The following MGAT5 variants were observed in gnomAD, a reference collection of about 807,000 sequenced individuals.
MGAT5 encodes the protein alpha-1,6-mannosylglycoprotein 6-beta-N-acetylglucosaminyltransferase A.
A neutral mutation model predicts 94.3 loss-of-function variants in MGAT5; 30 were observed. The ratio of observed to expected loss-of-function variants is 0.32; its 90% CI spans 0.24 to 0.43. The LOEUF is 0.43. MGAT5 is among the 20% of genes least tolerant of loss of function. MGAT5 has a pLI of 1.00. For missense variants in MGAT5, 691 were observed against 905.5 expected (o/e 0.76, Z 3.04); for synonymous variants, 310 against 322.9 (o/e 0.96, Z 0.43).
At chr2:134,346,627 A>G (rs930165996) in intron 8 of MGAT5, among the ~76,000 whole-genome samples, 1 of 152,182 alleles carries the variant, frequency 6.6e-6, no homozygotes. Context: ...ATTCCATTAA[A>G]TGTATTGCTG....
At chr2:134,448,535 G>C in intron 15 of MGAT5, 114 bp from the exon 16 acceptor site, 1 of 951,088 alleles carries the variant, frequency 1.1e-6, no homozygotes, top group Non-Finnish European at 1.7e-6. Flanking sequence ...TCTAAAGTAG[G>C]ACAAGACAAC....
At chr2:134,445,014 T>C (rs1209523199) in intron 15 of MGAT5, among the ~76,000 whole-genome samples, 2 of 152,202 alleles carry the variant, frequency 1.3e-5, no homozygotes, top group Non-Finnish European at 2.9e-5. Context: ...CTCAGTTCCA[T>C]ACACAGGAAC....
chr2:134,418,520 A>G (rs1684100599), intron 12 of MGAT5, among the ~76,000 whole-genome samples: 1 of 152,188 alleles, frequency 6.6e-6, no homozygotes, highest in Non-Finnish European at 1.5e-5. Flanking sequence ...GGGTGGTACT[A>G]GTTGCTGCAC....
At chr2:134,364,633 G>T (rs554725519) in intron 10 of MGAT5, among the ~76,000 whole-genome samples, 1 of 152,326 alleles carries the variant, frequency 6.6e-6, no homozygotes, top group East Asian at 1.9e-4. Flanking sequence ...GTGCTGTGCA[G>T]CACCTAAAGA....
intron 2 of MGAT5, among the ~76,000 whole-genome samples, chr2:134,283,626 T>C (rs1336939600): frequency 6.7e-6 from 1 of 149,642 alleles, no homozygotes; most frequent in Non-Finnish European, 1.5e-5. Context: ...TTTAAAGCCA[T>C]TGTTGAGGAA....
intron 4 of MGAT5, among the ~76,000 whole-genome samples, chr2:134,327,024 A>G (rs549788805): frequency 5.1e-4 from 78 of 152,252 alleles, no homozygotes; most frequent in Middle Eastern, 3.4e-3. Context: ...CTCACGTACA[A>G]TGATGTCTGG....
intron 14 of MGAT5, among the ~76,000 whole-genome samples, chr2:134,438,590 C>T (rs1026765962): frequency 6.6e-6 from 1 of 152,190 alleles, no homozygotes; most frequent in Non-Finnish European, 1.5e-5. Flanking sequence ...CACTGTGCCC[C>T]CATTCAGGGT....
At chr2:134,170,301 G>C (rs919415592) in intron 1 of MGAT5, among the ~76,000 whole-genome samples, 1 of 152,238 alleles carries the variant, frequency 6.6e-6, no homozygotes, top group African/African-American at 2.4e-5. Context: ...TCACCTCAAG[G>C]CTGTCTCAGA....
chr2:134,434,334 T>A (rs916973334), intron 14 of MGAT5, among the ~76,000 whole-genome samples: 1 of 152,214 alleles, frequency 6.6e-6, no homozygotes. Flanking sequence ...CATAAATTGG[T>A]TGGTTATTAG....
chr2:134,361,170 G>A (rs1362226837), intron 9 of MGAT5, among the ~76,000 whole-genome samples: 1 of 152,250 alleles, frequency 6.6e-6, no homozygotes, highest in African/African-American at 2.4e-5. Flanking sequence ...AGCACAACCA[G>A]AACAAGATGA....
intron 15 of MGAT5, among the ~76,000 whole-genome samples, chr2:134,443,470 G>A (rs1685600719): frequency 6.6e-6 from 1 of 152,204 alleles, no homozygotes; most frequent in African/African-American, 2.4e-5. Flanking sequence ...GGTATTACAG[G>A]CGTGAGCCAT....
intron 1 of MGAT5, among the ~76,000 whole-genome samples, chr2:134,123,241 T>C (rs955881516): frequency 3.9e-5 from 6 of 152,182 alleles, no homozygotes; most frequent in Non-Finnish European, 8.8e-5. Context: ...CCTTTGGAAG[T>C]ATGAGTTCCC....
intron 2 of MGAT5, among the ~76,000 whole-genome samples, chr2:134,297,196 C>A (rs1485138883): frequency 5.5e-3 from 548 of 100,358 alleles, no homozygotes; most frequent in Middle Eastern, 0.021. Flanking sequence ...GACCTGGTCT[C>A]AAAAAAAAAA....
Position 134,358,818 on chromosome 2 carries a change from C to T in MGAT5, c.1247-3457C>T, listed in dbSNP as rs117751893. On this transcript the variant is annotated intron_variant, in intron 9 of 15. Coordinates refer to ENST00000281923, the MANE Select transcript of MGAT5 (RefSeq NM_002410.5). ...CATTTATTAAGTAGCTGGTAAGCTC[C>T]TTGAGGGCAGAAACTCATCTTTATA... 1.6e-3 allele frequency among the ~76,000 whole-genome samples: 246 copies of T among 152,274 alleles called. 5 individuals are homozygous for T. In the East Asian group the frequency reaches 0.046, roughly 28 times the overall value.
chr2:134,391,012 T>C (rs1388300375), intron 10 of MGAT5, among the ~76,000 whole-genome samples: 1 of 152,212 alleles, frequency 6.6e-6, no homozygotes, highest in East Asian at 1.9e-4. Context: ...CATGTGTCAA[T>C]TGAGCAACTT....
intron 1 of MGAT5, among the ~76,000 whole-genome samples, chr2:134,267,232 A>G (rs62165759): frequency 0.16 from 23,606 of 152,246 alleles, 2,263 homozygotes; most frequent in Middle Eastern, 0.32. Context: ...ATGGTGGGTA[A>G]GAGCCATCAG....
intron 9 of MGAT5, among the ~76,000 whole-genome samples, chr2:134,361,494 T>C (rs941830471): frequency 1.3e-5 from 2 of 152,232 alleles, no homozygotes; most frequent in African/African-American, 4.8e-5. Context: ...TTTAAAATTA[T>C]AGGCACAAGA....
chr2:134,237,148 T>TGTGCGTGC (rs374914892), intron 1 of MGAT5, among the ~76,000 whole-genome samples: 1 of 140,744 alleles, frequency 7.1e-6, no homozygotes, highest in African/African-American at 2.6e-5. Flanking sequence ...TGTGTGTGTG[T>TGTGCGTGC]GCGCGTGTGT....
chr2:134,311,844 G>T (rs181891914), intron 2 of MGAT5, among the ~76,000 whole-genome samples: 1 of 152,170 alleles, frequency 6.6e-6, no homozygotes, highest in African/African-American at 2.4e-5. Flanking sequence ...CTTTATATAC[G>T]TATAAATATT....
Sources: allele counts gnomAD v4.1 joint callset (sites outside exome capture counted in the v4.1 genomes callset), GRCh38; gene constraint gnomAD v4.1.1; transcripts MANE v1.5; gene names NCBI Gene and HGNC (gene_info 2026-07-23, HGNC 2026-07-21).